IQGAP2: variants seen among roughly 807,000 people sequenced by gnomAD.
The protein encoded by IQGAP2 is ras GTPase-activating-like protein IQGAP2.
A neutral mutation model predicts 201.3 loss-of-function variants in IQGAP2; 173 were observed. That is an observed-to-expected ratio of 0.86 (90% CI 0.76 to 0.98). The LOEUF (loss-of-function observed/expected upper bound fraction) is 0.98, where lower values mean the gene tolerates loss of function less well. IQGAP2 is among the 50% of genes least tolerant of loss of function. The pLI is 0.00. For synonymous variants in IQGAP2, 675 were observed against 673.9 expected, an observed-to-expected ratio of 1.00 and a Z score of -0.03; for missense variants, 1,687 against 1,864.8, an observed-to-expected ratio of 0.90 and a Z score of 1.76.
At chr5:76,452,715 G>A (rs961228883) in intron 1 of IQGAP2, among the ~76,000 whole-genome samples, 1 of 152,096 alleles carries the variant, frequency 6.6e-6, no homozygotes. Context: ...ATGTCATCAA[G>A]CATTTACATG....
chr5:76,516,048 G>T (rs1758301320), intron 2 of IQGAP2, among the ~76,000 whole-genome samples: 2 of 151,746 alleles, frequency 1.3e-5, no homozygotes, highest in South Asian at 4.2e-4. Flanking sequence ...GATAATGTTT[G>T]TGTTTTTTAC....
chr5:76,408,051 T>TAGGGGAATCCCAAGC (rs1750890603), intron 1 of IQGAP2, among the ~76,000 whole-genome samples: 1 of 152,032 alleles, frequency 6.6e-6, no homozygotes, highest in Non-Finnish European at 1.5e-5. Flanking sequence ...GAATCCCAAA[T>TAGGGGAATCCCAAGC]AGGGGAATCC....
At chr5:76,627,309 T>G in intron 13 of IQGAP2, 101 bp from the exon 14 acceptor site, 1 of 836,810 alleles carries the variant, frequency 1.2e-6, no homozygotes, top group South Asian at 1.4e-5. Flanking sequence ...TGATTAAGAA[T>G]TTGTGGGAAT....
At chr5:76,694,011 A>G (rs543316300) in intron 31 of IQGAP2, 1 of 152,386 alleles carries the variant, frequency 6.6e-6, no homozygotes, top group East Asian at 1.9e-4. Flanking sequence ...TAGTACCAAT[A>G]ATTGCCGCTC....
At chr5:76,493,062 G>C (rs1021990022) in intron 2 of IQGAP2, among the ~76,000 whole-genome samples, 1 of 152,172 alleles carries the variant, frequency 6.6e-6, no homozygotes, top group South Asian at 2.1e-4. Context: ...TCACTTAACC[G>C]GACATCTCCC....
intron 2 of IQGAP2, among the ~76,000 whole-genome samples, chr5:76,517,042 A>T (rs1325451613): frequency 6.6e-6 from 1 of 152,136 alleles, no homozygotes; most frequent in Admixed American, 6.6e-5. Context: ...TCGGTAAGAG[A>T]GCTATCAAAA....
At chr5:76,408,013 C>T (rs537298275) in intron 1 of IQGAP2, among the ~76,000 whole-genome samples, 7 of 152,264 alleles carry the variant, frequency 4.6e-5, no homozygotes, top group Admixed American at 4.6e-4. Flanking sequence ...TGCCTGTAAT[C>T]CCAGCTACTT....
intron 31 of IQGAP2, chr5:76,693,787 A>G (rs1462252455): frequency 5.8e-6 from 1 of 173,194 alleles, no homozygotes; most frequent in East Asian, 1.5e-4. Flanking sequence ...AATACCTTTC[A>G]CATTTTATGT....
chr5:76,682,906 C>T (rs1365820786), intron 28 of IQGAP2, among the ~76,000 whole-genome samples: 2 of 152,130 alleles, frequency 1.3e-5, no homozygotes, highest in Non-Finnish European at 2.9e-5. Flanking sequence ...TTTATGAACA[C>T]GTTTCTTGCA....
At chr5:76,503,174 CTTTTTTTT>C (rs11297908) in intron 2 of IQGAP2, among the ~76,000 whole-genome samples, 1 of 109,356 alleles carries the variant, frequency 9.1e-6, no homozygotes, top group African/African-American at 3.6e-5. Context: ...CTTTTCTTTT[CTTTTTTTT>C]TTTTTTTTTG....
chr5:76,543,410 C>T (rs1207609308), intron 2 of IQGAP2, among the ~76,000 whole-genome samples: 1 of 152,156 alleles, frequency 6.6e-6, no homozygotes, highest in Non-Finnish European at 1.5e-5. Context: ...GTTGGAGGGA[C>T]GTAAATGTGC....
At chr5:76,621,981 T>A (rs879521479) in intron 13 of IQGAP2, among the ~76,000 whole-genome samples, 6 of 152,094 alleles carry the variant, frequency 3.9e-5, no homozygotes, top group African/African-American at 7.2e-5. Flanking sequence ...CCCTTCCTCA[T>A]CCCTCTTTTC....
chr5:76,686,645 G>T (rs1745787233), intron 30 of IQGAP2, among the ~76,000 whole-genome samples: 1 of 152,096 alleles, frequency 6.6e-6, no homozygotes, highest in African/African-American at 2.4e-5. Context: ...AAGTAGCTGG[G>T]ACTACAGGTG....
chr5:76,485,459 CCT>C (rs1756067420), intron 2 of IQGAP2, among the ~76,000 whole-genome samples: 1 of 152,134 alleles, frequency 6.6e-6, no homozygotes, highest in Non-Finnish European at 1.5e-5. Context: ...AGTAAACAAA[CCT>C]TTTTTCCCCC....
intron 1 of IQGAP2, among the ~76,000 whole-genome samples, chr5:76,426,551 G>A (rs148338145): frequency 6.6e-6 from 1 of 152,184 alleles, no homozygotes; most frequent in East Asian, 1.9e-4. Flanking sequence ...ACAGTTGCTC[G>A]AGCTCTTCAA....
intron 14 of IQGAP2, among the ~76,000 whole-genome samples, chr5:76,629,192 A>G (rs72777542): frequency 0.038 from 5,742 of 152,262 alleles, 171 homozygotes; most frequent in East Asian, 0.16. Flanking sequence ...AAGAGCCGAT[A>G]TACTTTCTTT....
rs546053619 is a variant in IQGAP2, at chr5:76,669,754, A to C, written c.2843+910A>C. Among the ~76,000 whole-genome samples the C allele has an allele frequency of 7.2e-4, 109 of 152,300 alleles. 2 individuals are homozygous for C. Among genetic ancestry groups the C allele is most frequent in the Admixed American group, 7.1e-3 (109 of 15,302 alleles). The stretch of plus-strand genomic sequence containing the variant: ...TTAATTACTAACTACCAGGAGATGA[A>C]TCCTGAATGATAGGGTAGGGCCAGG... On this transcript the variant is annotated intron_variant, in intron 23 of 35. Transcript: ENST00000274364.
intron 10 of IQGAP2, among the ~76,000 whole-genome samples, chr5:76,600,330 G>T (rs1019111419): frequency 5.9e-5 from 9 of 152,102 alleles, no homozygotes; most frequent in Non-Finnish European, 1.2e-4. Context: ...AATTAAATCA[G>T]TAGTCTTGGT....
Position 76,423,625 on chromosome 5 carries a change from A to G in IQGAP2, c.46+20034A>G, listed in dbSNP as rs1227524816. Among the ~76,000 whole-genome samples, 6 of 152,234 alleles carry G rather than the reference A, an allele frequency of 3.9e-5. 1 individual carries two copies. Among genetic ancestry groups the G allele is most frequent in the Admixed American group, 2.0e-4 (3 of 15,284 alleles). Reference sequence around the variant, plus strand: ...GATAGAGCAAGACTTCATCTCAAAAAAGGAGAAATAGTGCTTGGTCATCAT... The same window carrying G: ...GATAGAGCAAGACTTCATCTCAAAAGAGGAGAAATAGTGCTTGGTCATCAT... On this transcript the variant is annotated intron_variant, in intron 1 of 35. Coordinates refer to ENST00000274364, the MANE Select transcript of IQGAP2 (RefSeq NM_006633.5).
Sources: allele counts gnomAD v4.1 joint callset (sites outside exome capture counted in the v4.1 genomes callset), GRCh38; gene constraint gnomAD v4.1.1; transcripts MANE v1.5; gene names NCBI Gene and HGNC (gene_info 2026-07-23, HGNC 2026-07-21).